Variants in NUDC observed in about 807,000 individuals in gnomAD.
NUDC encodes the protein nuclear distribution C, dynein complex regulator.
Under a neutral mutation model 45.0 loss-of-function variants are expected in NUDC, and 14 were observed. The observed-to-expected ratio is 0.31, with a 90% CI of 0.21 to 0.49. The LOEUF (loss-of-function observed/expected upper bound fraction) is 0.49, where lower values mean the gene tolerates loss of function less well. Ranked by LOEUF, NUDC falls within the 20% of genes least tolerant of loss-of-function variation. The pLI is 0.99. For synonymous variants in NUDC, 153 were observed against 156.7 expected (o/e 0.98, Z 0.17); for missense variants, 323 against 426.2 (o/e 0.76, Z 2.13).
At chr1:26,927,196 G>A (rs1390090322) in intron 2 of NUDC, among the ~76,000 whole-genome samples, 1 of 142,624 alleles carries the variant, frequency 7.0e-6, no homozygotes, top group Non-Finnish European at 1.5e-5. Flanking sequence ...CCGTGTGTGT[G>A]TGTGTCAGGG....
chr1:26,902,627 G>A (rs945722841), intron 2 of NUDC, among the ~76,000 whole-genome samples: 1 of 152,024 alleles, frequency 6.6e-6, no homozygotes, highest in Non-Finnish European at 1.5e-5. Context: ...ACTCACACCT[G>A]TAATCTTAGC....
At chr1:26,945,542 C>G in intron 7 of NUDC, 26 bp from the exon 8 acceptor site, 1 of 1,611,306 alleles carries the variant, frequency 6.2e-7, no homozygotes, top group South Asian at 1.1e-5. Flanking sequence ...AGAGCTTCAC[C>G]GATTCCTGTC....
intron 2 of NUDC, among the ~76,000 whole-genome samples, chr1:26,936,167 T>A (rs1764840): frequency 0.24 from 695 of 2,938 alleles, no homozygotes; most frequent in East Asian, 0.39. Flanking sequence ...ATATATATAT[T>A]TTTTTTTTTT....
At chr1:26,901,551 C>T (rs1011092434) in intron 1 of NUDC, among the ~76,000 whole-genome samples, 2 of 151,862 alleles carry the variant, frequency 1.3e-5, no homozygotes, top group African/African-American at 4.8e-5. Context: ...ACTACAGGTG[C>T]GTGCCACCAC....
intron 2 of NUDC, among the ~76,000 whole-genome samples, chr1:26,925,122 C>G (rs2082120454): frequency 6.6e-6 from 1 of 151,720 alleles, no homozygotes; most frequent in Non-Finnish European, 1.5e-5. Context: ...CTCAAGTGAT[C>G]CACCCACCTC....
rs1226989509 is a variant in NUDC, at chr1:26,942,680, G to A, written c.450G>A (p.Glu150=). 2 of 1,614,080 alleles carry A rather than the reference G, an allele frequency of 1.2e-6. No homozygotes were observed. The highest frequency in any genetic ancestry group is 1.3e-5 in the African/African-American group (1 of 74,932). The change falls in exon 5 of 9, where the codon GAG becomes GAA. Residue 150 remains glutamate (E), a synonymous_variant. Transcript: ENST00000321265. Reference sequence around the variant, plus strand: ...AGCAGGATACTGAGGAAGATGAGGAGGAAGATGAGAAGGACAAAGGAAAAC... The same window carrying A: ...AGCAGGATACTGAGGAAGATGAGGAAGAAGATGAGAAGGACAAAGGAAAAC... ...PGKQDTEEDE[E]EDEKDKGKLK...
At chr1:26,913,744 G>C in intron 3 of NUDC, 1 of 1,594,782 alleles carries the variant, frequency 6.3e-7, no homozygotes, top group Non-Finnish European at 8.6e-7. Context: ...GAAGGCCACT[G>C]TCTTGGCCAG....
At chr1:26,939,322 C>G (rs2082259294) in intron 2 of NUDC, among the ~76,000 whole-genome samples, 1 of 151,460 alleles carries the variant, frequency 6.6e-6, no homozygotes, top group African/African-American at 2.4e-5. Context: ...CTGGCCAAGA[C>G]TGTTTTTAGA....
chr1:26,941,085 CTTTTTTT>C (rs772114445), intron 2 of NUDC, among the ~76,000 whole-genome samples: 7 of 91,378 alleles, frequency 7.7e-5, no homozygotes, highest in Non-Finnish European at 1.2e-4. Flanking sequence ...CCATGCCCAG[CTTTTTTT>C]TTTTTTTTTT....
chr1:26,941,814 A>G lies in NUDC; in HGVS notation c.425A>G (p.Lys142Arg), dbSNP rs1212136819. The G allele has an allele frequency of 1.2e-6, 2 of 1,612,982 alleles. No homozygotes were observed. Among genetic ancestry groups the G allele is most frequent in the South Asian group, 1.1e-5 (1 of 91,030 alleles). Residue 142 changes from lysine (K) to arginine (R), a missense_variant, in exon 4 of 9, where the codon AAG (lysine) becomes AGG (arginine). Physicochemically the swap from Lys to Arg is conservative, Grantham distance 26. Around this residue, in one of 3 missense-constraint regions of NUDC, gnomAD observed 245 missense variants for 278.8 expected, o/e 0.88. Coordinates refer to ENST00000321265, the MANE Select transcript of NUDC (RefSeq NM_006600.4). Reference sequence around the variant, plus strand: ...AACGGCAGCCTTGACTCCCCAGGGAAGCAGGTGAGATGGACTGCAGGGACT... The same window carrying G: ...AACGGCAGCCTTGACTCCCCAGGGAGGCAGGTGAGATGGACTGCAGGGACT... ...LKNGSLDSPG[K>R]QDTEEDEEED...
chr1:26,913,791 A>G, intron 3 of NUDC: 1 of 1,539,678 alleles, frequency 6.5e-7, no homozygotes, highest in Non-Finnish European at 8.8e-7. Context: ...GATGAGGTGC[A>G]CATAGCTGGA....
Position 26,946,056 on chromosome 1 carries a change from C to T in NUDC, c.945-74C>T, listed in dbSNP as rs2082315267. 4 of 1,436,162 alleles carry T rather than the reference C, an allele frequency of 2.8e-6. No individual in the cohort carries two copies. The East Asian group carries it at 6.8e-5, about 24-fold the overall frequency. 89.0% of individuals were successfully genotyped at this position (1,436,162 alleles called of 1,614,324 possible). ...TGAGGTCTAAAGAGATTAGACTTGA[C>T]ACGGGGGTGCTGGGAGAAGGGACAG... On this transcript the variant is annotated intron_variant, in intron 8 of 8. Transcript: ENST00000321265.
intron 1 of NUDC, 88 bp from the exon 2 acceptor site, chr1:26,924,001 C>T (rs575532695): frequency 4.2e-6 from 5 of 1,183,930 alleles, no homozygotes; most frequent in Non-Finnish European, 6.3e-6. Context: ...GTCCCAAGTT[C>T]CCTCCTAGAC....
rs1411056363 is a variant in NUDC at position 26,916,429 on chromosome 1, A to T, written c.93+5194A>T. On this transcript the variant is annotated intron_variant, in intron 3 of 6. Transcript: ENST00000435827. Reference sequence around the variant, plus strand: ...AACCCCACACACAAAACCTCCCCTTAGACCCTGAATATTTATATTTATTTG... The same window carrying T: ...AACCCCACACACAAAACCTCCCCTTTGACCCTGAATATTTATATTTATTTG... Among the ~76,000 whole-genome samples, 3 of 151,954 alleles carry T rather than the reference A, an allele frequency of 2.0e-5. No homozygotes were observed. The East Asian group carries it at 5.8e-4, about 29-fold the overall frequency.
intron 2 of NUDC, among the ~76,000 whole-genome samples, chr1:26,927,370 A>T (rs1051042569): frequency 7.0e-6 from 1 of 143,226 alleles, no homozygotes; most frequent in Non-Finnish European, 1.5e-5. Flanking sequence ...AGCCTCCCAA[A>T]GTGCTGGGAC....
At chr1:26,933,478 A>G (rs140213589) in intron 2 of NUDC, among the ~76,000 whole-genome samples, 91 of 152,070 alleles carry the variant, frequency 6.0e-4, no homozygotes, top group African/African-American at 2.0e-3. Flanking sequence ...CAATGATGCA[A>G]TCTCGGCTCA....
rs748865712 is a variant in NUDC at position 26,946,112 on chromosome 1, T to A, written c.945-18T>A. ...GAAGAGAAGGATGAGCTGTTTCATC[T>A]TGCTTCCGTTTCTCCAGGTTCATGG... On this transcript the variant is annotated intron_variant, in intron 8 of 8. Transcript: ENST00000321265. The A allele has an allele frequency of 6.2e-7, 1 of 1,613,134 alleles. No homozygotes were observed. The highest frequency in any genetic ancestry group is 1.1e-5 in the South Asian group (1 of 91,062).
intron 2 of NUDC, chr1:26,929,709 A>G: frequency 2.2e-6 from 1 of 458,018 alleles, no homozygotes; most frequent in South Asian, 1.6e-5. Flanking sequence ...GACTATCTAA[A>G]AGAAAAGTTA....
intron 2 of NUDC, among the ~76,000 whole-genome samples, chr1:26,907,229 C>T (rs2082006403): frequency 6.6e-6 from 1 of 152,178 alleles, no homozygotes; most frequent in Non-Finnish European, 1.5e-5. Context: ...AAACCCTGTT[C>T]ATTCTCTTTA....
Sources: allele counts gnomAD v4.1 joint callset (sites outside exome capture counted in the v4.1 genomes callset), GRCh38; gene constraint gnomAD v4.1.1; regional missense constraint gnomAD v4.1.1; transcripts MANE v1.5; gene names NCBI Gene and HGNC (gene_info 2026-07-23, HGNC 2026-07-21).